Variants in TENM3 observed in about 807,000 individuals in gnomAD.
The protein encoded by TENM3 is teneurin transmembrane protein 3, also known as teneurin-3.
Under a neutral mutation model 255.1 loss-of-function variants are expected in TENM3, and 63 were observed. The observed-to-expected ratio is 0.25, with a 90% confidence interval of 0.20 to 0.30. TENM3 has a LOEUF of 0.30. Among genes scored for constraint, TENM3 ranks in the 10% least tolerant of loss-of-function variants. The probability of loss-of-function intolerance (pLI) is 1.00; values close to 1 mark genes in which losing one functional copy is unlikely to be tolerated. For missense variants in TENM3, 2,929 were observed against 3,461.1 expected (o/e 0.85, Z 3.86); for synonymous variants, 1,306 against 1,322.3 (o/e 0.99, Z 0.27).
At chr4:182,440,841 T>C (rs1772423622) in intron 3 of TENM3, among the ~76,000 whole-genome samples, 1 of 152,048 alleles carries the variant, frequency 6.6e-6, no homozygotes, top group African/African-American at 2.4e-5. Flanking sequence ...TTTTCGACTT[T>C]TATTTCAGGT....
chr4:181,503,273 G>A, the TENM3 span, among the ~76,000 whole-genome samples: 1 of 152,294 alleles, frequency 6.6e-6, no homozygotes, highest in Admixed American at 6.5e-5. Context: ...GGCTGAGGTG[G>A]AAGGATTGCT....
At chr4:181,950,255 T>C in the TENM3 span, among the ~76,000 whole-genome samples, 1 of 151,836 alleles carries the variant, frequency 6.6e-6, no homozygotes, top group Non-Finnish European at 1.5e-5. Context: ...CCCCTTTGAC[T>C]GTAATTTTCC....
the TENM3 span, among the ~76,000 whole-genome samples, chr4:181,633,105 C>T: frequency 6.6e-6 from 1 of 152,288 alleles, no homozygotes; most frequent in African/African-American, 2.4e-5. Context: ...GAGCCCAATC[C>T]ACTTACACCA....
chr4:181,705,051 C>CAAAA, the TENM3 span, among the ~76,000 whole-genome samples: 1 of 147,368 alleles, frequency 6.8e-6, no homozygotes. Context: ...CAAAACAAAA[C>CAAAA]AAAAAAAAAA....
chr4:182,059,322 A>G, the TENM3 span, among the ~76,000 whole-genome samples: 1 of 152,160 alleles, frequency 6.6e-6, no homozygotes, highest in Admixed American at 6.6e-5. Context: ...TGAAACTATT[A>G]TAGTTTTAAG....
At chr4:182,409,076 C>T (rs569019882) in intron 3 of TENM3, among the ~76,000 whole-genome samples, 7 of 152,316 alleles carry the variant, frequency 4.6e-5, no homozygotes, top group African/African-American at 9.6e-5. Flanking sequence ...AGGTAAACAT[C>T]GCAAATGAGA....
intron 3 of TENM3, among the ~76,000 whole-genome samples, chr4:182,533,248 T>C (rs1309785471): frequency 6.6e-6 from 1 of 152,190 alleles, no homozygotes; most frequent in African/African-American, 2.4e-5. Flanking sequence ...GTCTGCAATC[T>C]ATTCTTAAAA....
At chr4:182,004,638 A>C in the TENM3 span, among the ~76,000 whole-genome samples, 1 of 152,200 alleles carries the variant, frequency 6.6e-6, no homozygotes, top group South Asian at 2.1e-4. Flanking sequence ...TAAATCCTTG[A>C]GGAATCGCCA....
the TENM3 span, among the ~76,000 whole-genome samples, chr4:181,658,639 T>A: frequency 6.6e-6 from 1 of 152,290 alleles, no homozygotes; most frequent in South Asian, 2.1e-4. Flanking sequence ...CTAGCTTCCG[T>A]AGCACGATGG....
At chr4:182,008,778 G>A in the TENM3 span, among the ~76,000 whole-genome samples, 22 of 152,114 alleles carry the variant, frequency 1.4e-4, no homozygotes, top group Admixed American at 8.5e-4. Flanking sequence ...GAGATGTTGC[G>A]ATCATTTGGA....
At chr4:182,719,681 T>G (rs1759541221) in intron 13 of TENM3, among the ~76,000 whole-genome samples, 1 of 152,012 alleles carries the variant, frequency 6.6e-6, no homozygotes, top group East Asian at 1.9e-4. Flanking sequence ...AAAGCACAAG[T>G]CAACTGAGGT....
chr4:181,716,670 G>A, the TENM3 span, among the ~76,000 whole-genome samples: 15 of 152,194 alleles, frequency 9.9e-5, no homozygotes, highest in Non-Finnish European at 1.5e-4. Context: ...AAAGGCTTTG[G>A]GAGAATTAAA....
At chr4:181,945,773 A>G in the TENM3 span, among the ~76,000 whole-genome samples, 9 of 152,314 alleles carry the variant, frequency 5.9e-5, no homozygotes, top group East Asian at 1.5e-3. Context: ...ACAACAAAAC[A>G]GAAGTTTTCC....
chr4:182,743,463 G>T, intron 19 of TENM3, 44 bp downstream of exon 19: 1 of 1,591,724 alleles, frequency 6.3e-7, no homozygotes. Flanking sequence ...AGCTAAACGT[G>T]CCTCTTTAAA....
the TENM3 span, among the ~76,000 whole-genome samples, chr4:182,039,257 G>A: frequency 3.3e-5 from 5 of 152,114 alleles, no homozygotes; most frequent in African/African-American, 9.7e-5. Context: ...TTCAGTAGGG[G>A]AATACTGATC....
chr4:182,351,070 TTTAAACGTCAGGAACAAAGGGC>T (rs1302611822), intron 3 of TENM3, among the ~76,000 whole-genome samples: 1 of 145,628 alleles, frequency 6.9e-6, no homozygotes, highest in African/African-American at 2.5e-5. Context: ...CAAATACCTA[TTTAAACGTCAGGAACAAAGGGC>T]TTTTTTTTAT....
intron 1 of TENM3, among the ~76,000 whole-genome samples, chr4:182,305,764 G>A (rs2150390910): frequency 6.6e-6 from 1 of 152,322 alleles, no homozygotes; most frequent in East Asian, 1.9e-4. Context: ...CTGTGTATGT[G>A]ACTTTGCAGC....
intron 1 of TENM3, among the ~76,000 whole-genome samples, chr4:182,171,009 T>A (rs1166971548): frequency 2.0e-5 from 3 of 152,166 alleles, no homozygotes; most frequent in Non-Finnish European, 4.4e-5. Context: ...TGTAGAGTGA[T>A]CATCAGGGTC....
intron 1 of TENM3, among the ~76,000 whole-genome samples, chr4:182,229,722 A>G (rs1430540254): frequency 6.6e-6 from 1 of 152,192 alleles, no homozygotes; most frequent in Non-Finnish European, 1.5e-5. Context: ...TCAAACCCCA[A>G]CTACAGGTCC....
Sources: allele counts gnomAD v4.1 joint callset (sites outside exome capture counted in the v4.1 genomes callset), GRCh38; gene constraint gnomAD v4.1.1; transcripts MANE v1.5; gene names NCBI Gene and HGNC (gene_info 2026-07-23, HGNC 2026-07-21).